Variants in GRID2 observed in about 807,000 individuals in gnomAD.
The protein encoded by GRID2 is glutamate ionotropic receptor delta type subunit 2.
Under a neutral mutation model 114.8 loss-of-function variants are expected in GRID2, and 33 were observed. The observed-to-expected ratio is 0.29, with a 90% CI of 0.22 to 0.38. GRID2 has a LOEUF of 0.38. GRID2 is among the 10% of genes least tolerant of loss of function. The probability of loss-of-function intolerance (pLI) is 1.00; values close to 1 mark genes in which losing one functional copy is unlikely to be tolerated. For missense variants in GRID2, 1,184 were observed against 1,257.7 expected, an observed-to-expected ratio of 0.94 and a Z score of 0.89; for synonymous variants, 505 against 449.9, an observed-to-expected ratio of 1.12 and a Z score of -1.55.
chr4:92,848,698 G>A (rs1037618874), intron 2 of GRID2, among the ~76,000 whole-genome samples: 1 of 151,906 alleles, frequency 6.6e-6, no homozygotes, highest in Non-Finnish European at 1.5e-5. Flanking sequence ...GGGCTACGGG[G>A]ATCTGGAGTC....
Position 92,989,815 on chromosome 4 carries a change from T to G in GRID2, c.245-95180T>G, listed in dbSNP as rs1225879114. On this transcript the variant is annotated intron_variant, in intron 2 of 15. Coordinates refer to ENST00000282020, the MANE Select transcript of GRID2 (RefSeq NM_001510.4). ...ACATATGACTTTCAGATGCTACATC[T>G]CTTTACTGAATGTTTTGAAAATTGA... Among the ~76,000 whole-genome samples the G allele has an allele frequency of 2.0e-5, 3 of 152,186 alleles. No individual in the cohort carries two copies. The East Asian group carries it at 5.8e-4, about 29-fold the overall frequency.
At chr4:93,210,724 TAATA>T (rs924300625) in intron 5 of GRID2, among the ~76,000 whole-genome samples, 2 of 152,080 alleles carry the variant, frequency 1.3e-5, no homozygotes, top group Admixed American at 6.6e-5. Flanking sequence ...ATTTAATTGG[TAATA>T]AATAAATATT....
intron 1 of GRID2, among the ~76,000 whole-genome samples, chr4:92,529,461 G>A (rs915850243): frequency 2.0e-5 from 3 of 152,088 alleles, no homozygotes; most frequent in African/African-American, 7.2e-5. Context: ...CAGTCTGAAA[G>A]GATGAATACT....
At chr4:93,760,650 A>G (rs1206214919) in intron 14 of GRID2, among the ~76,000 whole-genome samples, 1 of 152,214 alleles carries the variant, frequency 6.6e-6, no homozygotes, top group Non-Finnish European at 1.5e-5. Context: ...TGTCATTCTC[A>G]TTAAGCATGT....
At chr4:92,447,563 C>A (rs1255890633) in intron 1 of GRID2, among the ~76,000 whole-genome samples, 2 of 152,196 alleles carry the variant, frequency 1.3e-5, no homozygotes, top group African/African-American at 4.8e-5. Flanking sequence ...CAGTACTTAA[C>A]TTCTTATCTT....
At chr4:92,965,821 T>C (rs887308799) in intron 2 of GRID2, among the ~76,000 whole-genome samples, 3 of 151,946 alleles carry the variant, frequency 2.0e-5, no homozygotes, top group African/African-American at 7.2e-5. Context: ...CGAAATTTTG[T>C]ATATTTTCTC....
chr4:92,752,250 G>T (rs1425049099), intron 2 of GRID2, among the ~76,000 whole-genome samples: 1 of 152,238 alleles, frequency 6.6e-6, no homozygotes, highest in Admixed American at 6.5e-5. Flanking sequence ...ATCCTTTGAA[G>T]CAAGATGTAA....
At chr4:92,568,422 C>G (rs980397117) in intron 1 of GRID2, among the ~76,000 whole-genome samples, 2 of 151,986 alleles carry the variant, frequency 1.3e-5, no homozygotes, top group African/African-American at 4.8e-5. Flanking sequence ...CATGGTTTCT[C>G]TCAAGTTTTT....
At chr4:92,628,560 G>T (rs1485537241) in intron 2 of GRID2, among the ~76,000 whole-genome samples, 2 of 152,106 alleles carry the variant, frequency 1.3e-5, no homozygotes, top group Non-Finnish European at 2.9e-5. Context: ...GTTTCACCGT[G>T]TTGCCCAGGC....
At chr4:93,369,359 A>G (rs997133002) in intron 8 of GRID2, among the ~76,000 whole-genome samples, 2 of 152,218 alleles carry the variant, frequency 1.3e-5, no homozygotes, top group Non-Finnish European at 2.9e-5. Context: ...CTCAATACTT[A>G]ACATAATTAT....
chr4:93,637,473 G>C (rs1227428529), intron 14 of GRID2, among the ~76,000 whole-genome samples: 1 of 152,160 alleles, frequency 6.6e-6, no homozygotes, highest in Non-Finnish European at 1.5e-5. Flanking sequence ...ACATGCACCA[G>C]TGCTGGAAAA....
chr4:92,936,916 G>A (rs537325369), intron 2 of GRID2, among the ~76,000 whole-genome samples: 5 of 146,424 alleles, frequency 3.4e-5, no homozygotes, highest in African/African-American at 1.2e-4. Flanking sequence ...CTTTTAATTT[G>A]CATTTCCCTA....
chr4:93,017,601 G>A (rs1722873736), intron 2 of GRID2, among the ~76,000 whole-genome samples: 1 of 151,702 alleles, frequency 6.6e-6, no homozygotes, highest in Non-Finnish European at 1.5e-5. Flanking sequence ...GATCACTTGA[G>A]GTCAGGAGTT....
chr4:93,572,823 G>A (rs1026273400), intron 13 of GRID2, among the ~76,000 whole-genome samples: 1 of 152,034 alleles, frequency 6.6e-6, no homozygotes, highest in Non-Finnish European at 1.5e-5. Context: ...TTGCCATATT[G>A]GGTCCTAAGA....
intron 1 of GRID2, among the ~76,000 whole-genome samples, chr4:92,589,819 A>T (rs1391666600): frequency 1.3e-5 from 2 of 152,178 alleles, no homozygotes; most frequent in African/African-American, 4.8e-5. Context: ...TAAAAATTTC[A>T]TGATATAAGA....
intron 1 of GRID2, among the ~76,000 whole-genome samples, chr4:92,313,083 G>A (rs1293189308): frequency 2.7e-4 from 2 of 7,324 alleles, no homozygotes; most frequent in East Asian, 8.1e-4. Flanking sequence ...ACTCTGATAT[G>A]TGTGTGTGTG....
At position 93,023,702 on chromosome 4, in the gene GRID2, G is replaced by C. The variant is rs531546301; in HGVS notation, c.245-61293G>C. ...ATAACCTCAAATATCTTAAACTGAA[G>C]CTACTTTTACTTTTCCTTAAATAAG... On this transcript the variant is annotated intron_variant, in intron 2 of 15. Transcript: ENST00000282020. Among the ~76,000 whole-genome samples the C allele has an allele frequency of 6.6e-5, 10 of 151,922 alleles. No homozygotes were observed. In the East Asian group the frequency reaches 1.9e-3, roughly 29 times the overall value.
chr4:93,435,050 C>A (rs548493610), intron 10 of GRID2, among the ~76,000 whole-genome samples: 1 of 152,152 alleles, frequency 6.6e-6, no homozygotes, highest in African/African-American at 2.4e-5. Flanking sequence ...CTTTGTACTA[C>A]CTATCTCTCT....
chr4:93,369,724 A>G (rs1762689978), intron 8 of GRID2, among the ~76,000 whole-genome samples: 1 of 152,102 alleles, frequency 6.6e-6, no homozygotes, highest in Non-Finnish European at 1.5e-5. Flanking sequence ...CCTGAGATCT[A>G]GCAATCCTCC....
Sources: gnomAD v4.1 joint callset for allele counts (sites outside exome capture counted in the v4.1 genomes callset) on GRCh38, gnomAD v4.1.1 for gene constraint, MANE v1.5 for transcripts, NCBI Gene and HGNC (gene_info 2026-07-23, HGNC 2026-07-21) for gene names.